Variants in TAFA5 observed in about 807,000 individuals in gnomAD.
The protein encoded by TAFA5 is chemokine-like protein TAFA-5.
In TAFA5, 6 loss-of-function variants were observed where a neutral mutation model predicts 15.3. The ratio of observed to expected loss-of-function variants is 0.39; its 90% CI spans 0.21 to 0.77. The LOEUF is 0.77. Among genes scored for constraint, TAFA5 ranks in the 30% least tolerant of loss-of-function variants. The probability of loss-of-function intolerance (pLI) is 0.41; values close to 1 mark genes in which losing one functional copy is unlikely to be tolerated. For missense variants in TAFA5, 161 were observed against 193.1 expected (o/e 0.83, Z 0.98); for synonymous variants, 103 against 80.7 (o/e 1.28, Z -1.48).
chr22:48,690,255 C>G (rs954809530), intron 2 of TAFA5, among the ~76,000 whole-genome samples: 1 of 152,192 alleles, frequency 6.6e-6, no homozygotes, highest in African/African-American at 2.4e-5. Context: ...ACAATGACCC[C>G]TTGGCCCAGG....
At chr22:48,575,271 G>C (rs1202711375) in intron 1 of TAFA5, among the ~76,000 whole-genome samples, 1 of 151,878 alleles carries the variant, frequency 6.6e-6, no homozygotes, top group Non-Finnish European at 1.5e-5. Context: ...CGCAGTTTTC[G>C]GCTGGGCCGG....
chr22:48,654,764 G>A (rs991670152), intron 2 of TAFA5, among the ~76,000 whole-genome samples: 1 of 152,130 alleles, frequency 6.6e-6, no homozygotes, highest in Non-Finnish European at 1.5e-5. Flanking sequence ...GCTGGGAGGA[G>A]CTCCTGTGTG....
intron 1 of TAFA5, among the ~76,000 whole-genome samples, chr22:48,568,179 C>A (rs1320609381): frequency 6.6e-6 from 1 of 152,262 alleles, no homozygotes; most frequent in African/African-American, 2.4e-5. Context: ...CCTCAGCCAT[C>A]CCAAGGCCCA....
At chr22:48,696,784 A>C (rs1176639710) in intron 2 of TAFA5, among the ~76,000 whole-genome samples, 1 of 152,238 alleles carries the variant, frequency 6.6e-6, no homozygotes, top group Non-Finnish European at 1.5e-5. Flanking sequence ...TCTGAGCCCA[A>C]ACCCTGTGCT....
chr22:48,671,600 C>A (rs758256821), intron 2 of TAFA5, among the ~76,000 whole-genome samples: 6 of 152,138 alleles, frequency 3.9e-5, no homozygotes, highest in South Asian at 4.1e-4. Context: ...GAGGAACCTG[C>A]CATCCCAGTC....
At chr22:48,635,069 C>T (rs1274658824) in intron 1 of TAFA5, among the ~76,000 whole-genome samples, 1 of 152,204 alleles carries the variant, frequency 6.6e-6, no homozygotes, top group Non-Finnish European at 1.5e-5. Flanking sequence ...CCATCCTGCC[C>T]GGGCTGTTCT....
At chr22:48,563,864 C>T (rs1221149213) in intron 1 of TAFA5, among the ~76,000 whole-genome samples, 4 of 152,250 alleles carry the variant, frequency 2.6e-5, no homozygotes, top group Non-Finnish European at 5.9e-5. Context: ...CTGCCTGGCC[C>T]AGCCCGCCTC....
chr22:48,555,937 T>C (rs1406124799), intron 1 of TAFA5, among the ~76,000 whole-genome samples: 1 of 152,098 alleles, frequency 6.6e-6, no homozygotes, highest in Non-Finnish European at 1.5e-5. Flanking sequence ...TGCCACCTGC[T>C]CCCCTGCCCC....
At chr22:48,640,129 G>A (rs1008981678) in intron 1 of TAFA5, among the ~76,000 whole-genome samples, 1 of 152,180 alleles carries the variant, frequency 6.6e-6, no homozygotes, top group Non-Finnish European at 1.5e-5. Flanking sequence ...CAGGCTCTTC[G>A]GCTCTTTGGC....
At chr22:48,502,520 A>ATTT (rs71677503) in intron 1 of TAFA5, among the ~76,000 whole-genome samples, 2 of 130,726 alleles carry the variant, frequency 1.5e-5, no homozygotes, top group Admixed American at 7.6e-5. Flanking sequence ...TCTCTTTGGA[A>ATTT]TTTTTTTTTT....
At chr22:48,610,731 G>T (rs1275451622) in intron 1 of TAFA5, among the ~76,000 whole-genome samples, 1 of 152,174 alleles carries the variant, frequency 6.6e-6, no homozygotes. Context: ...TGTTGACTCC[G>T]CCTTGCAGAG....
At chr22:48,713,023 T>C (rs2147255216) in intron 3 of TAFA5, among the ~76,000 whole-genome samples, 1 of 152,336 alleles carries the variant, frequency 6.6e-6, no homozygotes, top group Middle Eastern at 3.4e-3. Context: ...GTTTTTGTAG[T>C]GTTTATGTAT....
chr22:48,664,177 T>C (rs2147216535), intron 2 of TAFA5, among the ~76,000 whole-genome samples: 1 of 152,330 alleles, frequency 6.6e-6, no homozygotes, highest in East Asian at 1.9e-4. Context: ...TGGATTTTGA[T>C]TGATGGCAGC....
At chr22:48,740,494 G>A (rs1357520950) in intron 3 of TAFA5, among the ~76,000 whole-genome samples, 1 of 152,218 alleles carries the variant, frequency 6.6e-6, no homozygotes, top group Non-Finnish European at 1.5e-5. Context: ...CTTACCAGGG[G>A]GGCAGGGATG....
rs551860517 is a variant in TAFA5 at position 48,634,045 on chromosome 22, G to A, written c.113-12552G>A. On this transcript the variant is annotated intron_variant, in intron 1 of 3. Coordinates refer to ENST00000402357, the MANE Select transcript of TAFA5 (RefSeq NM_001082967.3). ...CTGCCCCCACTGCCCTCAGCTGCCC[G>A]GTGCACAGACTCAGCAGGCGAGAAG... Among the ~76,000 whole-genome samples the A allele has an allele frequency of 7.2e-5, 11 of 152,302 alleles. No homozygotes were observed. In the East Asian group the frequency reaches 2.1e-3, roughly 29 times the overall value.
chr22:48,617,025 T>A (rs942891683), intron 1 of TAFA5, among the ~76,000 whole-genome samples: 1 of 152,190 alleles, frequency 6.6e-6, no homozygotes, highest in African/African-American at 2.4e-5. Flanking sequence ...ATACCTGTGG[T>A]CACTCGGGGG....
chr22:48,544,246 C>T (rs1054156983), intron 1 of TAFA5: 3 of 199,620 alleles, frequency 1.5e-5, no homozygotes, highest in South Asian at 1.1e-4. Context: ...CTCTGATACC[C>T]GCCACACTGG....
chr22:48,543,560 A>T (rs572031939), intron 1 of TAFA5: 35 of 152,464 alleles, frequency 2.3e-4, no homozygotes, highest in African/African-American at 8.4e-4. Context: ...AGGACACCTC[A>T]GGCCCGCTGC....
chr22:48,738,717 G>A (rs1930100118), intron 3 of TAFA5, among the ~76,000 whole-genome samples: 1 of 152,246 alleles, frequency 6.6e-6, no homozygotes, highest in Non-Finnish European at 1.5e-5. Context: ...CGGGCAGGGT[G>A]TGTTAGTTTC....
Sources: allele counts gnomAD v4.1 joint callset (sites outside exome capture counted in the v4.1 genomes callset), GRCh38; gene constraint gnomAD v4.1.1; transcripts MANE v1.5; gene names NCBI Gene and HGNC (gene_info 2026-07-23, HGNC 2026-07-21).